Variants in EDIL3 observed in about 807,000 individuals in gnomAD.
The protein encoded by EDIL3 is EGF-like repeat and discoidin I-like domain-containing protein 3.
In EDIL3, 37 loss-of-function variants were observed where a neutral mutation model predicts 67.4. That is an observed-to-expected ratio of 0.55 (90% CI 0.42 to 0.72). EDIL3 has a LOEUF of 0.72. Ranked by LOEUF, EDIL3 falls within the 30% of genes least tolerant of loss-of-function variation. The pLI is 0.00. For synonymous variants in EDIL3, 195 were observed against 196.3 expected (o/e 0.99, Z 0.05); for missense variants, 527 against 586.3 (o/e 0.90, Z 1.04).
At chr5:84,293,820 C>G (rs1283791638) in intron 1 of EDIL3, among the ~76,000 whole-genome samples, 2 of 149,124 alleles carry the variant, frequency 1.3e-5, no homozygotes, top group African/African-American at 2.5e-5. Flanking sequence ...TGAGTTTTCT[C>G]TTGAAAACAA....
chr5:84,060,781 A>C (rs1028519819), intron 8 of EDIL3, among the ~76,000 whole-genome samples: 6 of 152,186 alleles, frequency 3.9e-5, no homozygotes, highest in Admixed American at 3.3e-4. Context: ...AACAATGCTG[A>C]AATGCTCTCT....
chr5:84,062,248 A>C (rs984231648), intron 8 of EDIL3, among the ~76,000 whole-genome samples: 2 of 152,068 alleles, frequency 1.3e-5, no homozygotes, highest in African/African-American at 4.8e-5. Context: ...ATCTTCAGGA[A>C]GTTAGTTTCA....
At position 83,940,668 on chromosome 5, in the gene EDIL3, A is replaced by G. The variant is rs1160798551; in HGVS notation, c.*2751T>C. The G allele has an allele frequency of 6.6e-6, 1 of 152,030 alleles. No individual in the cohort carries two copies. Among genetic ancestry groups the G allele is most frequent in the East Asian group, 1.9e-4 (1 of 5,186 alleles). The allele number at this position is 152,030 out of a possible 1,614,324, so 9.4% of individuals were successfully genotyped here. A position where few individuals can be genotyped will look rare whatever the true frequency, so the allele number is the denominator to read the frequency against. ...ATACTGGTTTTACATCCTACGTGAT[A>G]TAAGTATATATACAAAGAAAAAAAC... On this transcript the variant is annotated 3_prime_UTR_variant, in exon 11 of 11. Coordinates refer to ENST00000296591, the MANE Select transcript of EDIL3 (RefSeq NM_005711.5).
intron 9 of EDIL3, among the ~76,000 whole-genome samples, chr5:84,007,352 A>G (rs927823632): frequency 5.9e-5 from 9 of 152,096 alleles, no homozygotes; most frequent in African/African-American, 2.2e-4. Flanking sequence ...CAGAATGGGG[A>G]AAAAAATAGC....
In EDIL3 at chr5:84,240,898, C is replaced by A. The variant is rs1401850079; in HGVS notation, c.197-11014G>T. On this transcript the variant is annotated intron_variant, in intron 2 of 10. Coordinates refer to ENST00000296591, the MANE Select transcript of EDIL3 (RefSeq NM_005711.5). Reference sequence around the variant, plus strand: ...CTTATAAACTGAGCAACCACTAATGCTAATTCTTCTAGAAAGTTTCCCCAT... The same window carrying A: ...CTTATAAACTGAGCAACCACTAATGATAATTCTTCTAGAAAGTTTCCCCAT... 2.6e-5 allele frequency among the ~76,000 whole-genome samples: 4 copies of A among 152,164 alleles called. 1 individual carries two copies. In the East Asian group the frequency reaches 7.7e-4, roughly 29 times the overall value.
At chr5:84,184,769 A>G (rs1369238692) in intron 3 of EDIL3, among the ~76,000 whole-genome samples, 1 of 152,232 alleles carries the variant, frequency 6.6e-6, no homozygotes, top group African/African-American at 2.4e-5. Flanking sequence ...AAGCCTGTCC[A>G]GCAATCTTGG....
chr5:84,282,323 A>G (rs1745721028), intron 1 of EDIL3, among the ~76,000 whole-genome samples: 1 of 152,142 alleles, frequency 6.6e-6, no homozygotes, highest in Admixed American at 6.5e-5. Flanking sequence ...TACTTTTAAA[A>G]CAATCTAGAG....
chr5:84,319,494 C>CAAAAAAAAAAAAAAAAAAAAAAAAA (rs55738450), intron 1 of EDIL3, among the ~76,000 whole-genome samples: 10 of 42,836 alleles, frequency 2.3e-4, no homozygotes, highest in Non-Finnish European at 3.0e-4. Flanking sequence ...CAAAAAACAA[C>CAAAAAAAAAAAAAAAAAAAAAAAAA]AAAAAAAAAA....
chr5:83,975,347 C>T (rs886241999), intron 9 of EDIL3, among the ~76,000 whole-genome samples: 11 of 151,926 alleles, frequency 7.2e-5, no homozygotes, highest in African/African-American at 2.7e-4. Context: ...ACTGTACTTT[C>T]TATTACTATA....
chr5:84,092,423 G>T (rs1747183021), intron 6 of EDIL3, among the ~76,000 whole-genome samples: 2 of 152,278 alleles, frequency 1.3e-5, no homozygotes, highest in South Asian at 4.1e-4. Context: ...TATTTAAAAA[G>T]TCTTTTATAT....
intron 3 of EDIL3, among the ~76,000 whole-genome samples, chr5:84,210,532 T>A (rs1231079765): frequency 2.0e-5 from 3 of 152,146 alleles, no homozygotes; most frequent in Non-Finnish European, 4.4e-5. Flanking sequence ...GACTTTATAA[T>A]ATGCTTAAAA....
chr5:84,204,271 G>A (rs1452833388), intron 3 of EDIL3, among the ~76,000 whole-genome samples: 1 of 152,056 alleles, frequency 6.6e-6, no homozygotes, highest in Admixed American at 6.6e-5. Flanking sequence ...AGGGAATAAT[G>A]TCCACTGCAT....
At chr5:84,168,373 A>G (rs1748748677) in intron 4 of EDIL3, among the ~76,000 whole-genome samples, 1 of 152,180 alleles carries the variant, frequency 6.6e-6, no homozygotes, top group African/African-American at 2.4e-5. Context: ...AAAAATATCA[A>G]AAATTAAAAA....
chr5:84,209,995 T>C (rs1230619480), intron 3 of EDIL3, among the ~76,000 whole-genome samples: 3 of 152,212 alleles, frequency 2.0e-5, no homozygotes, highest in Admixed American at 1.3e-4. Context: ...TTACCCTTTA[T>C]CACTATCCTT....
At chr5:84,280,629 A>G (rs946549561) in intron 1 of EDIL3, among the ~76,000 whole-genome samples, 1 of 152,092 alleles carries the variant, frequency 6.6e-6, no homozygotes, top group African/African-American at 2.4e-5. Context: ...ATCACTGAAG[A>G]TCTATAATTT....
At chr5:84,035,170 T>C (rs1398106867) in intron 9 of EDIL3, among the ~76,000 whole-genome samples, 4 of 152,076 alleles carry the variant, frequency 2.6e-5, no homozygotes, top group Non-Finnish European at 4.4e-5. Flanking sequence ...GGAGTATATA[T>C]ATATATGAAT....
intron 5 of EDIL3, among the ~76,000 whole-genome samples, chr5:84,126,539 T>C (rs1249933030): frequency 1.3e-5 from 2 of 152,122 alleles, no homozygotes; most frequent in Non-Finnish European, 2.9e-5. Flanking sequence ...TAGTTTCATA[T>C]TAGTGAAAAA....
At chr5:84,279,067 TA>T (rs1420022144) in intron 1 of EDIL3, among the ~76,000 whole-genome samples, 3 of 152,308 alleles carry the variant, frequency 2.0e-5, no homozygotes, top group African/African-American at 7.2e-5. Flanking sequence ...GATACCATGA[TA>T]ATGCCTGTAA....
intron 9 of EDIL3, among the ~76,000 whole-genome samples, chr5:83,968,689 C>T (rs1363836278): frequency 6.6e-6 from 1 of 151,856 alleles, no homozygotes; most frequent in East Asian, 1.9e-4. Flanking sequence ...TTGTACTTAA[C>T]AATTACCTGC....
Sources: allele counts gnomAD v4.1 joint callset (sites outside exome capture counted in the v4.1 genomes callset), GRCh38; gene constraint gnomAD v4.1.1; transcripts MANE v1.5; gene names NCBI Gene and HGNC (gene_info 2026-07-23, HGNC 2026-07-21).